The following NFATC2 variants were observed in gnomAD, a reference collection of about 807,000 sequenced individuals.
The protein encoded by NFATC2 is nuclear factor of activated T-cells, cytoplasmic 2.
In NFATC2, 22 loss-of-function variants were observed where a neutral mutation model predicts 87.3. The ratio of observed to expected loss-of-function variants is 0.25; its 90% CI spans 0.18 to 0.36. NFATC2 has a LOEUF of 0.36. NFATC2 is among the 10% of genes least tolerant of loss of function. The pLI is 1.00. For missense variants in NFATC2, 1,149 were observed against 1,259.1 expected (o/e 0.91, Z 1.32); for synonymous variants, 565 against 542.2 (o/e 1.04, Z -0.58).
At chr20:51,403,043 C>T (rs898376749) in intron 9 of NFATC2, among the ~76,000 whole-genome samples, 4 of 152,214 alleles carry the variant, frequency 2.6e-5, no homozygotes, top group Admixed American at 6.5e-5. Context: ...ACATGGGACA[C>T]ACCTCCCCCC....
intron 3 of NFATC2, among the ~76,000 whole-genome samples, chr20:51,514,257 T>C (rs2076316665): frequency 6.6e-6 from 1 of 152,352 alleles, no homozygotes; most frequent in East Asian, 1.9e-4. Flanking sequence ...TAAACATCTT[T>C]TGAATAATCA....
rs80221807 is a variant in NFATC2, at chr20:51,473,878, G to A, written c.1708+102C>T. ...AACCCTGTGGGTCCCACACATTCCC[G>A]CAGGCCACCCCGGGTACCTCGCCCA... On this transcript the variant is annotated intron_variant, in intron 5 of 10. Transcript: ENST00000371564. 5.6e-3 allele frequency: 7,228 copies of A among 1,294,596 alleles called. 32 individuals carry two copies. Among genetic ancestry groups the A allele is most frequent in the Non-Finnish European group, 6.8e-3 (6,455 of 944,014 alleles). 80.2% of individuals were successfully genotyped at this position (1,294,596 alleles called of 1,614,324 possible). A position where few individuals can be genotyped will look rare whatever the true frequency, so the allele number is the denominator to read the frequency against.
At position 51,542,688 on chromosome 20, in the gene NFATC2, G is replaced by T; in HGVS notation, c.-189C>A. The T allele has an allele frequency of 1.8e-6, 2 of 1,133,362 alleles. No homozygotes were observed. Among genetic ancestry groups the T allele is most frequent in the Non-Finnish European group, 2.2e-6 (2 of 925,274 alleles). 70.2% of individuals were successfully genotyped at this position (1,133,362 alleles called of 1,614,324 possible). A position where few individuals can be genotyped will look rare whatever the true frequency, so the allele number is the denominator to read the frequency against. On this transcript the variant is annotated 5_prime_UTR_variant, in exon 1 of 11. Coordinates refer to ENST00000371564, the MANE Select transcript of NFATC2 (RefSeq NM_012340.5). Reference sequence around the variant, plus strand: ...CTGGACGCGCCCGGGGAAGCTGAGCGGCGGCGGCGACGGCGGCGCGAGCTT... The same window carrying T: ...CTGGACGCGCCCGGGGAAGCTGAGCTGCGGCGGCGACGGCGGCGCGAGCTT...
rs369537780 is a variant in NFATC2, at chr20:51,524,942, G to A, written c.131-832C>T. Reference sequence around the variant, plus strand: ...CTATTAGACCCAATGGATGCAGGCCGGGCGTGGTGGCTCACACCTGGAATC... The same window carrying A: ...CTATTAGACCCAATGGATGCAGGCCAGGCGTGGTGGCTCACACCTGGAATC... On this transcript the variant is annotated intron_variant, in intron 1 of 10. Coordinates refer to ENST00000371564, the MANE Select transcript of NFATC2 (RefSeq NM_012340.5). This position sits in a 1 kb window ranked among gnomAD's most constrained non-coding sequence, Gnocchi z 4.0. 1.3e-5 allele frequency among the ~76,000 whole-genome samples: 2 copies of A among 152,164 alleles called. No homozygotes were observed. The highest frequency in any genetic ancestry group is 1.5e-5 in the Non-Finnish European group (1 of 68,024).
At chr20:51,444,124 G>A (rs1276660798) in intron 6 of NFATC2, among the ~76,000 whole-genome samples, 2 of 152,018 alleles carry the variant, frequency 1.3e-5, no homozygotes, top group Non-Finnish European at 2.9e-5. Context: ...TGGGATTACA[G>A]GCACATGCCA....
Position 51,523,640 on chromosome 20 carries a change from G to C in NFATC2, c.601C>G (p.Leu201Val). Reference sequence around the variant, plus strand: ...GGGATGTTTTGAAACTGCGGACACAGGTCGTCGGGCCCGCCGTTATTGGGC... The same window carrying C: ...GGGATGTTTTGAAACTGCGGACACACGTCGTCGGGCCCGCCGTTATTGGGC... The part of the protein sequence containing the change: ...VSPNNGGPDD[L>V]CPQFQNIPAH... The change falls in exon 2 of 11, where the codon CTG becomes GTG. Residue 201 changes from leucine to valine, a missense_variant. Physicochemically the swap from Leu to Val is conservative, Grantham distance 32. Around this residue, in one of 3 missense-constraint regions of NFATC2, gnomAD observed 563 missense variants for 585.2 expected, o/e 0.96. Transcript: ENST00000371564. This position sits in a 1 kb window ranked among gnomAD's most constrained non-coding sequence, Gnocchi z 6.9. 6.2e-7 allele frequency: 1 copy of C among 1,613,850 alleles called. No homozygotes were observed. The highest frequency in any genetic ancestry group is 8.5e-7 in the Non-Finnish European group (1 of 1,179,838).
intron 7 of NFATC2, 90 bp from the exon 8 acceptor site, chr20:51,435,404 A>G: frequency 6.4e-7 from 1 of 1,559,634 alleles, no homozygotes; most frequent in South Asian, 1.2e-5. Context: ...CCACTGTCTA[A>G]TGGGTGTTTT....
chr20:51,562,777 C>G, upstream of NFATC2: 2 of 629,052 alleles, frequency 3.2e-6, no homozygotes, highest in Non-Finnish European at 5.3e-6. The surrounding 1 kb of genome is among the most constrained non-coding windows in gnomAD (Gnocchi z 5.8). Context: ...CTGCGCGCCT[C>G]CCGGCTCCCG....
chr20:51,454,374 G>A (rs1420922737), intron 6 of NFATC2, among the ~76,000 whole-genome samples, 174 bp downstream of exon 6: 1 of 152,200 alleles, frequency 6.6e-6, no homozygotes, highest in Non-Finnish European at 1.5e-5. Context: ...GCACATTCAT[G>A]CAATGGCGAA....
chr20:51,508,507 C>T (rs951578012), intron 3 of NFATC2, among the ~76,000 whole-genome samples: 1 of 152,100 alleles, frequency 6.6e-6, no homozygotes, highest in African/African-American at 2.4e-5. Flanking sequence ...CATCAAAAGA[C>T]TGGTATAGAC....
At chr20:51,514,638 C>T (rs1449320070) in intron 3 of NFATC2, among the ~76,000 whole-genome samples, 2 of 152,046 alleles carry the variant, frequency 1.3e-5, no homozygotes, top group Non-Finnish European at 2.9e-5. Context: ...TTTGGGAGGC[C>T]GAGGTGGGTG....
Position 51,562,292 on chromosome 20 carries a change from C to T in NFATC2, c.70+268G>A, listed in dbSNP as rs1457073698. On this transcript the variant is annotated intron_variant, in intron 1 of 10. Coordinates refer to the NFATC2 transcript ENST00000414705. This position sits in a 1 kb window ranked among gnomAD's most constrained non-coding sequence, Gnocchi z 5.8. The stretch of plus-strand genomic sequence containing the variant: ...CCCGTGGAGAGGAAAATCCTCCCGA[C>T]AGACTGGCCTAGGGAATCCCGGCCT... Among the ~76,000 whole-genome samples, 1 of 152,242 alleles carries T rather than the reference C, an allele frequency of 6.6e-6. No individual in the cohort carries two copies. Among genetic ancestry groups the T allele is most frequent in the African/African-American group, 2.4e-5 (1 of 41,476 alleles).
At chr20:51,456,761 C>T (rs1192054766) in intron 5 of NFATC2, among the ~76,000 whole-genome samples, 2 of 152,256 alleles carry the variant, frequency 1.3e-5, no homozygotes, top group East Asian at 1.9e-4. Context: ...GCAGCAACCG[C>T]GTGAGGCCCA....
chr20:51,458,470 G>A (rs914945649), intron 5 of NFATC2, among the ~76,000 whole-genome samples: 2 of 151,752 alleles, frequency 1.3e-5, no homozygotes, highest in Middle Eastern at 3.4e-3. Flanking sequence ...TGGTCTGAGG[G>A]TCAGGACCCC....
At chr20:51,476,253 G>A (rs568495375) in intron 3 of NFATC2, among the ~76,000 whole-genome samples, 1 of 112,964 alleles carries the variant, frequency 8.9e-6, no homozygotes, top group East Asian at 2.6e-4. Context: ...ACAGGCCCCA[G>A]TGTGTGATGT....
rs1417212131 is a variant in NFATC2 at position 51,480,103 on chromosome 20, C to T, written c.1333-4443G>A. The stretch of plus-strand genomic sequence containing the variant: ...AGGAGTTCAAGACCAGCCCGGGCAA[C>T]ATGGTGAAACCCCGTCTCTGTGAAA... On this transcript the variant is annotated intron_variant, in intron 3 of 10. Transcript: ENST00000371564. The surrounding 1 kb of genome is among the most constrained non-coding windows in gnomAD (Gnocchi z 4.2). 6.6e-6 allele frequency among the ~76,000 whole-genome samples: 1 copy of T among 152,088 alleles called. No individual in the cohort carries two copies. Among genetic ancestry groups the T allele is most frequent in the Non-Finnish European group, 1.5e-5 (1 of 68,026 alleles).
At chr20:51,451,888 C>T (rs1418393740) in intron 6 of NFATC2, among the ~76,000 whole-genome samples, 1 of 152,178 alleles carries the variant, frequency 6.6e-6, no homozygotes, top group Non-Finnish European at 1.5e-5. Context: ...CCCAGTGATT[C>T]TACATGATGG....
rs887443793 is a variant in NFATC2, at chr20:51,396,095, A to G, written c.*44+2548T>C. Among the ~76,000 whole-genome samples, 405 of 115,592 alleles carry G rather than the reference A, an allele frequency of 3.5e-3. 6 individuals are homozygous for G. The highest frequency in any genetic ancestry group is 0.011 in the African/African-American group (348 of 31,442). The allele number at this position is 115,592 out of a possible 152,430, so 75.8% of individuals were successfully genotyped here. A position where few individuals can be genotyped will look rare whatever the true frequency, so the allele number is the denominator to read the frequency against. ...ATATATATATATATATATATATATA[A>G]GCTAATGGCAAAGAAGAAAAAGCAG... On this transcript the variant is annotated intron_variant, in intron 10 of 10. Transcript: ENST00000371564.
chr20:51,539,619 A>G (rs547927544), intron 1 of NFATC2, among the ~76,000 whole-genome samples: 17 of 152,184 alleles, frequency 1.1e-4, no homozygotes, highest in Admixed American at 4.6e-4. Context: ...AGTAGCTGGG[A>G]AGCTGGGTCT....
Sources: gnomAD v4.1 joint callset for allele counts (sites outside exome capture counted in the v4.1 genomes callset) on GRCh38, gnomAD v4.1.1 for gene constraint, gnomAD v4.1.1 regional missense constraint, Gnocchi (gnomAD v3.1) non-coding constraint, MANE v1.5 for transcripts, NCBI Gene and HGNC (gene_info 2026-07-23, HGNC 2026-07-21) for gene names.